The following MYT1L variants were observed in gnomAD, a reference collection of about 807,000 sequenced individuals.
MYT1L encodes myelin transcription factor 1-like protein.
A neutral mutation model predicts 126.7 loss-of-function variants in MYT1L; 12 were observed. That is an observed-to-expected ratio of 0.09 (90% CI 0.06 to 0.15). MYT1L has a LOEUF of 0.15. Ranked by LOEUF, MYT1L falls within the 10% of genes least tolerant of loss-of-function variation. The pLI is 1.00. For synonymous variants in MYT1L, 541 were observed against 604.2 expected (o/e 0.90, Z 1.53); for missense variants, 979 against 1,585.2 (o/e 0.62, Z 6.49).
At position 2,150,897 on chromosome 2, in the gene MYT1L, AGGAG is replaced by A. The variant is rs923800966; in HGVS notation, c.-304+21971_-304+21974del. 7.2e-4 allele frequency among the ~76,000 whole-genome samples: 82 copies of A among 113,658 alleles called. 1 individual carries two copies. The highest frequency in any genetic ancestry group is 1.2e-3 in the Non-Finnish European group (70 of 56,882). The allele number at this position is 113,658 out of a possible 152,430, so 74.6% of individuals were successfully genotyped here. On this transcript the variant is annotated intron_variant, in intron 3 of 24. Transcript: ENST00000647738. ...GGGAGGGAAGGAAGGAAGGAAGGGA[AGGAG>A]GGAGGGAGGGAGACGGAGGGAGGGA...
At chr2:2,250,291 AT>A (rs2094611588) in intron 2 of MYT1L, among the ~76,000 whole-genome samples, 1 of 152,194 alleles carries the variant, frequency 6.6e-6, no homozygotes, top group Non-Finnish European at 1.5e-5. Context: ...AGATGAATGG[AT>A]AAAAAAGTGT....
rs1165985151 is a variant in MYT1L, at chr2:1,889,071, C to T, written c.2520+170G>A. Among the ~76,000 whole-genome samples the T allele has an allele frequency of 1.3e-5, 2 of 152,168 alleles. No homozygotes were observed. Among genetic ancestry groups the T allele is most frequent in the East Asian group, 1.9e-4 (1 of 5,190 alleles). On this transcript the variant is annotated intron_variant, in intron 16 of 24. Transcript: ENST00000647738. This position sits in a 1 kb window ranked among gnomAD's most constrained non-coding sequence, Gnocchi z 4.1. Reference sequence around the variant, plus strand: ...GTTTCACTCTAATCAATGTTAGTCGCAAATCTCTTCTGGGTCAACAAAAAC... The same window carrying T: ...GTTTCACTCTAATCAATGTTAGTCGTAAATCTCTTCTGGGTCAACAAAAAC...
intron 3 of MYT1L, among the ~76,000 whole-genome samples, chr2:2,096,928 G>C (rs2077515011): frequency 6.6e-6 from 1 of 152,204 alleles, no homozygotes. Flanking sequence ...TCAGGATAAA[G>C]TGTCGTCTTC....
chr2:2,145,425 T>C (rs2084738308), intron 3 of MYT1L, among the ~76,000 whole-genome samples: 1 of 152,102 alleles, frequency 6.6e-6, no homozygotes, highest in South Asian at 2.1e-4. Flanking sequence ...AGATGTGTCA[T>C]AAAAATAGTC....
intron 4 of MYT1L, among the ~76,000 whole-genome samples, chr2:2,039,087 G>A (rs1245395368): frequency 6.6e-6 from 1 of 152,192 alleles, no homozygotes; most frequent in African/African-American, 2.4e-5. Context: ...CACATGGAAG[G>A]CAGTCAGCAA....
intron 3 of MYT1L, among the ~76,000 whole-genome samples, chr2:2,160,460 C>T (rs2087678296): frequency 6.6e-6 from 1 of 152,270 alleles, no homozygotes; most frequent in East Asian, 1.9e-4. Flanking sequence ...TCATCTGTAA[C>T]CTTGGATAAA....
intron 23 of MYT1L, 116 bp from the exon 24 acceptor site, chr2:1,792,580 A>T: frequency 1.7e-6 from 2 of 1,175,750 alleles, no homozygotes; most frequent in Non-Finnish European, 2.3e-6. Context: ...TGAAGGAGAA[A>T]GGCTTCGGGC....
Position 2,211,981 on chromosome 2 carries a change from G to A in MYT1L, c.-420-38993C>T, listed in dbSNP as rs568988427. ...CTATTCACTGAGGCCCTCATAAACT[G>A]CAATACAGAGCAGAATGCCAAATGC... On this transcript the variant is annotated intron_variant, in intron 2 of 24. Coordinates refer to ENST00000647738, the MANE Select transcript of MYT1L (RefSeq NM_001303052.2). 9.2e-5 allele frequency among the ~76,000 whole-genome samples: 14 copies of A among 152,026 alleles called. No individual in the cohort carries two copies. In the East Asian group the frequency reaches 9.7e-4, roughly 10 times the overall value.
intron 4 of MYT1L, among the ~76,000 whole-genome samples, chr2:2,028,494 T>C (rs2065877018): frequency 6.6e-6 from 1 of 151,994 alleles, no homozygotes; most frequent in Non-Finnish European, 1.5e-5. Flanking sequence ...GAAAAGAAAA[T>C]GAAGGTTCTG....
chr2:2,034,346 A>C (rs1371563293), intron 4 of MYT1L, among the ~76,000 whole-genome samples: 87 of 139,638 alleles, frequency 6.2e-4, no homozygotes, highest in Non-Finnish European at 1.1e-3. Flanking sequence ...TCTCCCCAAC[A>C]ATCTCCACCC....
At chr2:2,166,147 T>C (rs1376268336) in intron 3 of MYT1L, among the ~76,000 whole-genome samples, 1 of 152,234 alleles carries the variant, frequency 6.6e-6, no homozygotes, top group African/African-American at 2.4e-5. Flanking sequence ...CGTCTCCTTA[T>C]TTCCTTTCTT....
intron 2 of MYT1L, among the ~76,000 whole-genome samples, chr2:2,268,884 AG>A (rs1572994531): frequency 6.6e-6 from 1 of 152,198 alleles, no homozygotes; most frequent in African/African-American, 2.4e-5. Context: ...TGTAGGGAAG[AG>A]GGAAAAACCC....
intron 2 of MYT1L, among the ~76,000 whole-genome samples, chr2:2,193,395 A>C (rs1322012110): frequency 6.6e-6 from 1 of 152,234 alleles, no homozygotes; most frequent in Non-Finnish European, 1.5e-5. Flanking sequence ...AGAAATGCTT[A>C]AGTGCTTGAA....
intron 2 of MYT1L, among the ~76,000 whole-genome samples, chr2:2,226,724 C>G (rs1228720177): frequency 6.6e-6 from 1 of 152,132 alleles, no homozygotes; most frequent in Non-Finnish European, 1.5e-5. Flanking sequence ...GAGACCCAGC[C>G]CAGAGCAACA....
chr2:2,236,442 ACCAGTACATCCCAACCCAAC>A (rs2094307752), intron 2 of MYT1L, among the ~76,000 whole-genome samples: 9 of 43,266 alleles, frequency 2.1e-4, no homozygotes, highest in East Asian at 7.6e-4. Flanking sequence ...CCCAACCCAG[ACCAGTACATCCCAACCCAAC>A]CCAGTACATC....
At chr2:2,036,840 G>T (rs562174638) in intron 4 of MYT1L, among the ~76,000 whole-genome samples, 4 of 152,082 alleles carry the variant, frequency 2.6e-5, no homozygotes, top group Non-Finnish European at 4.4e-5. Context: ...CTTTTGTTTT[G>T]CAGTCACCAG....
At chr2:2,027,629 C>G (rs2065783744) in intron 4 of MYT1L, among the ~76,000 whole-genome samples, 1 of 152,146 alleles carries the variant, frequency 6.6e-6, no homozygotes, top group South Asian at 2.1e-4. Context: ...CGAAAAGATG[C>G]AATATAATGA....
intron 21 of MYT1L, among the ~76,000 whole-genome samples, chr2:1,833,494 C>T (rs2040454224): frequency 6.6e-6 from 1 of 152,162 alleles, no homozygotes; most frequent in East Asian, 1.9e-4. Context: ...ATACAATCAA[C>T]ATTTTCTACC....
At chr2:2,159,984 C>G (rs2148414392) in intron 3 of MYT1L, among the ~76,000 whole-genome samples, 1 of 152,236 alleles carries the variant, frequency 6.6e-6, no homozygotes, top group South Asian at 2.1e-4. Flanking sequence ...AGGTCTGTCA[C>G]GTAACAGCTG....
Sources: gnomAD v4.1 joint callset for allele counts (sites outside exome capture counted in the v4.1 genomes callset) on GRCh38, gnomAD v4.1.1 for gene constraint, Gnocchi (gnomAD v3.1) non-coding constraint, MANE v1.5 for transcripts, NCBI Gene and HGNC (gene_info 2026-07-23, HGNC 2026-07-21) for gene names.